Variants in CYP19A1 observed in about 807,000 individuals in gnomAD.
The protein encoded by CYP19A1 is cytochrome P450 family 19 subfamily A member 1, also known as aromatase.
A neutral mutation model predicts 44.4 loss-of-function variants in CYP19A1; 32 were observed. That is an observed-to-expected ratio of 0.72 (90% confidence interval 0.54 to 0.97). The LOEUF (loss-of-function observed/expected upper bound fraction) is 0.97, where lower values mean the gene tolerates loss of function less well. CYP19A1 is among the 50% of genes least tolerant of loss of function. CYP19A1 has a pLI of 0.00. For synonymous variants in CYP19A1, 212 were observed against 215.6 expected (o/e 0.98, Z 0.14); for missense variants, 598 against 637.8 (o/e 0.94, Z 0.67).
At chr15:51,244,848 G>A (rs1416732648) in intron 1 of CYP19A1, among the ~76,000 whole-genome samples, 2 of 152,194 alleles carry the variant, frequency 1.3e-5, no homozygotes, top group Non-Finnish European at 2.9e-5. Flanking sequence ...AAGGACTATG[G>A]CAATTCACTG....
intron 1 of CYP19A1, among the ~76,000 whole-genome samples, chr15:51,337,266 A>T (rs2036791963): frequency 6.6e-6 from 1 of 152,268 alleles, no homozygotes; most frequent in Non-Finnish European, 1.5e-5. Flanking sequence ...GGAAGAACTA[A>T]GATGTCGATT....
At chr15:51,261,332 C>A (rs565084567) in intron 1 of CYP19A1, among the ~76,000 whole-genome samples, 1 of 151,662 alleles carries the variant, frequency 6.6e-6, no homozygotes, top group South Asian at 2.1e-4. Context: ...AGTGGCCAAC[C>A]ACCATCTTGG....
intron 1 of CYP19A1, among the ~76,000 whole-genome samples, chr15:51,317,625 G>C (rs558793223): frequency 6.6e-6 from 1 of 152,304 alleles, no homozygotes; most frequent in East Asian, 1.9e-4. Flanking sequence ...AGGGGTGAAA[G>C]AAAGGCCCAG....
chr15:51,294,999 G>GAAA (rs202195912), intron 1 of CYP19A1, among the ~76,000 whole-genome samples: 2 of 143,776 alleles, frequency 1.4e-5, no homozygotes, highest in African/African-American at 5.1e-5. Context: ...CTGCCTTGGG[G>GAAA]AAAAAAAAAA....
chr15:51,255,293 T>C (rs2034471909), intron 1 of CYP19A1, among the ~76,000 whole-genome samples: 1 of 152,210 alleles, frequency 6.6e-6, no homozygotes, highest in African/African-American at 2.4e-5. Context: ...AATTCCCACA[T>C]GGTTTCTACC....
At chr15:51,261,110 G>A (rs1407390873) in intron 1 of CYP19A1, among the ~76,000 whole-genome samples, 1 of 152,180 alleles carries the variant, frequency 6.6e-6, no homozygotes, top group Non-Finnish European at 1.5e-5. Flanking sequence ...CATTGTTCCT[G>A]CATGGCTAAG....
intron 1 of CYP19A1, among the ~76,000 whole-genome samples, chr15:51,271,991 T>C (rs1450822179): frequency 6.6e-6 from 1 of 152,244 alleles, no homozygotes; most frequent in African/African-American, 2.4e-5. Flanking sequence ...TCTACTATTG[T>C]CCTATATCAC....
At chr15:51,242,128 A>G (rs1266569030) in intron 2 of CYP19A1, 1 of 153,720 alleles carries the variant, frequency 6.5e-6, no homozygotes, top group Non-Finnish European at 1.5e-5. Flanking sequence ...TCTGCTTTTG[A>G]TTGAACCACA....
At chr15:51,234,012 G>C (rs1422845805) in intron 3 of CYP19A1, among the ~76,000 whole-genome samples, 1 of 152,088 alleles carries the variant, frequency 6.6e-6, no homozygotes, top group Non-Finnish European at 1.5e-5. Context: ...GGACGAAGCT[G>C]GTTGGAAAAG....
chr15:51,299,011 C>T (rs1566917665), intron 1 of CYP19A1, among the ~76,000 whole-genome samples: 1 of 152,214 alleles, frequency 6.6e-6, no homozygotes, highest in Non-Finnish European at 1.5e-5. Flanking sequence ...CCCCCATGCT[C>T]CATGAAGTTT....
intron 1 of CYP19A1, among the ~76,000 whole-genome samples, chr15:51,336,246 T>C (rs2036772878): frequency 6.6e-6 from 1 of 152,250 alleles, no homozygotes; most frequent in African/African-American, 2.4e-5. Flanking sequence ...GCTTCAGGAA[T>C]GATGCCTGGC....
In CYP19A1 at chr15:51,227,792, G is replaced by A; in HGVS notation, c.438C>T (p.Pro146=). 8 of 1,515,554 alleles carry A rather than the reference G, an allele frequency of 5.3e-6. No homozygotes were observed. The South Asian group carries it at 5.6e-5, about 11-fold the overall frequency. 93.9% of individuals were successfully genotyped at this position (1,515,554 alleles called of 1,614,324 possible). A position where few individuals can be genotyped will look rare whatever the true frequency, so the allele number is the denominator to read the frequency against. The stretch of plus-strand genomic sequence containing the variant: ...GTACCTGCTTACCTTTCATAAAGAA[G>A]GGTCGAGTTGTTTTCCAGAGCTCTG... ...NNPELWKTTR[P]FFMKALSGPG... is the part of the protein sequence containing the mutation. Residue 146 remains proline (P), a synonymous_variant, in exon 4 of 10, where the codon CCC becomes CCT. Coordinates refer to ENST00000396402, the MANE Select transcript of CYP19A1 (RefSeq NM_000103.4).
intron 1 of CYP19A1, among the ~76,000 whole-genome samples, chr15:51,245,360 C>T (rs1595715468): frequency 6.6e-6 from 1 of 152,124 alleles, no homozygotes; most frequent in African/African-American, 2.4e-5. Flanking sequence ...TATTATTATA[C>T]TTTAAGTTTT....
chr15:51,298,003 C>T (rs563344492), intron 1 of CYP19A1, among the ~76,000 whole-genome samples: 6 of 152,204 alleles, frequency 3.9e-5, no homozygotes, highest in South Asian at 4.2e-4. Context: ...ACAGAGAAGA[C>T]GTTGGAGCTG....
intron 3 of CYP19A1, 38 bp downstream of exon 3, chr15:51,236,821 G>T (rs367886766): frequency 2.3e-5 from 37 of 1,612,544 alleles, no homozygotes; most frequent in Non-Finnish European, 3.1e-5. Flanking sequence ...CTCCAGCCTC[G>T]ATTTAAAAAG....
intron 6 of CYP19A1, 131 bp from the exon 7 acceptor site, chr15:51,215,948 T>C: frequency 6.7e-7 from 1 of 1,488,550 alleles, no homozygotes; most frequent in Non-Finnish European, 9.0e-7. Context: ...AGTAAGTGAA[T>C]TACTATTTTA....
chr15:51,280,163 C>G (rs2035466517), intron 1 of CYP19A1: 1 of 148,074 alleles, frequency 6.8e-6, no homozygotes, highest in Non-Finnish European at 1.5e-5. Flanking sequence ...GCTCTGTCGC[C>G]CAGGCTGGAG....
chr15:51,292,025 CTCAG>C (rs1249722253), intron 1 of CYP19A1, among the ~76,000 whole-genome samples: 1 of 152,100 alleles, frequency 6.6e-6, no homozygotes, highest in Non-Finnish European at 1.5e-5. Flanking sequence ...CAGTCAGTCA[CTCAG>C]TCAGTCAGAT....
intron 1 of CYP19A1, chr15:51,313,957 C>A (rs747941069): frequency 2.0e-5 from 3 of 152,112 alleles, no homozygotes; most frequent in Non-Finnish European, 4.4e-5. Flanking sequence ...GGCTTAGGAA[C>A]CTGGAGAGAT....
Sources: allele counts gnomAD v4.1 joint callset (sites outside exome capture counted in the v4.1 genomes callset), GRCh38; gene constraint gnomAD v4.1.1; transcripts MANE v1.5; gene names NCBI Gene and HGNC (gene_info 2026-07-23, HGNC 2026-07-21).